Variants in AVIL observed in about 807,000 individuals in gnomAD.
AVIL encodes the protein advillin.
In AVIL, 78 loss-of-function variants were observed where a neutral mutation model predicts 109.9. The ratio of observed to expected loss-of-function variants is 0.71; its 90% CI spans 0.59 to 0.86. The LOEUF is 0.86. AVIL is among the 40% of genes least tolerant of loss of function. AVIL has a pLI of 0.00. For missense variants in AVIL, 892 were observed against 1,016.5 expected (o/e 0.88, Z 1.67); for synonymous variants, 367 against 379.1 (o/e 0.97, Z 0.37).
Position 57,809,626 on chromosome 12 carries a change from C to T in AVIL, c.910G>A (p.Glu304Lys). The change falls in exon 9 of 20, where the codon GAA (glutamate) becomes AAA (lysine). Residue 304 changes from glutamate (E) to lysine (K), a missense_variant. Coordinates refer to ENST00000549994, the MANE Select transcript of AVIL (RefSeq NM_006576.4). Reference protein sequence around the residue: ...VWKGKGATKAEKQAAMSKALG... With the variant: ...VWKGKGATKAKKQAAMSKALG... ...GCTTTAGACATGGCTGCCTGTTTTT[C>T]AGCCTTTGTGGCTCCTTTTCCTTTC... is the stretch of plus-strand genomic sequence containing the variant. 1 of 1,614,254 alleles carries T rather than the reference C, an allele frequency of 6.2e-7. No homozygotes were observed. The highest frequency in any genetic ancestry group is 1.3e-5 in the African/African-American group (1 of 75,072).
chr12:57,818,180 G>C (rs968916560), intron 1 of AVIL, among the ~76,000 whole-genome samples: 1 of 73,356 alleles, frequency 1.4e-5, no homozygotes, highest in Non-Finnish European at 2.9e-5. Context: ...CACCATGCTT[G>C]GCTTTTTTTT....
At chr12:57,809,542 C>T (rs537849741) in intron 9 of AVIL, 55 bp downstream of exon 9, 14 of 1,590,180 alleles carry the variant, frequency 8.8e-6, no homozygotes, top group African/African-American at 1.3e-5. Flanking sequence ...AGTGACACAC[C>T]TGAAGTGCTC....
At chr12:57,815,308 G>A (rs748019476) in intron 2 of AVIL, among the ~76,000 whole-genome samples, 1 of 152,222 alleles carries the variant, frequency 6.6e-6, no homozygotes, top group Non-Finnish European at 1.5e-5. Context: ...AGTGACCTGG[G>A]ACTCACAATC....
Position 57,810,444 on chromosome 12 carries a change from G to A in AVIL, c.666C>T (p.Val222=), listed in dbSNP as rs1199329215. Residue 222 remains valine, a synonymous_variant, in exon 7 of 20, where the codon GTC becomes GTT. Coordinates refer to ENST00000549994, the MANE Select transcript of AVIL (RefSeq NM_006576.4). ...AGCGTCGGCCAAGGGTGTCCTGAAGGACCTTCATCAGCTCTGGGCTGGCTG... is the reference window on the plus strand; with the variant it reads ...AGCGTCGGCCAAGGGTGTCCTGAAGAACCTTCATCAGCTCTGGGCTGGCTG... ...KEAASPELMK[V]LQDTLGRRSI... 5.6e-6 allele frequency: 9 copies of A among 1,614,032 alleles called. No individual in the cohort carries two copies. The highest frequency in any genetic ancestry group is 3.3e-5 in the Admixed American group (2 of 60,008).
In AVIL at chr12:57,803,533, T is replaced by C. The variant is rs368249513; in HGVS notation, c.1808A>G (p.Asn603Ser). ...DLLGGKTPYA[N>S]DKRLQQEILD... is the part of the protein sequence containing the mutation. ...GGCTGTGTTCCCATACCTTTTATCA[T>C]TGGCATAGGGAGTTTTCCCTCCCAG... The change falls in exon 15 of 20, where the codon AAT (asparagine) becomes AGT (serine). Residue 603 changes from asparagine (N) to serine (S), a missense_variant. Asn to Ser is a conservative substitution (Grantham distance 46). Transcript: ENST00000549994. 3 of 1,614,068 alleles carry C rather than the reference T, an allele frequency of 1.9e-6. No individual in the cohort carries two copies. The highest frequency in any genetic ancestry group is 1.3e-5 in the African/African-American group (1 of 74,924).
At position 57,798,010 on chromosome 12, in the gene AVIL, A is replaced by G. The variant is rs1360818316; in HGVS notation, c.2347-15T>C. ...GAGAGGTAATTCTAAGAGAGAAAAC[A>G]AAGTTTCTAGTTAGAAGGAAGACAT... On this transcript the variant is annotated splice_polypyrimidine_tract_variant and intron_variant, in intron 19 of 19. Coordinates refer to ENST00000549994, the MANE Select transcript of AVIL (RefSeq NM_006576.4). 1.3e-6 allele frequency: 2 copies of G among 1,557,490 alleles called. No individual in the cohort carries two copies. The highest frequency in any genetic ancestry group is 1.2e-5 in the South Asian group (1 of 82,866).
In AVIL at chr12:57,807,632, G is replaced by GT; in HGVS notation, c.1289dup (p.Tyr430Ter). Residue 430 changes from tyrosine to a stop codon, truncating the protein, a stop_gained and frameshift_variant, in exon 12 of 20, where the codon TAC (tyrosine) becomes TAAC (stop). Coordinates refer to ENST00000549994, the MANE Select transcript of AVIL (RefSeq NM_006576.4). LOFTEE classifies it high-confidence loss of function. ...TGTGATGTGGCTTCCCATTTACCTC[G>GT]TATGTGTAGAGGACCAGATAACAGT... ...GGDCYLVLYT[Y>*]EVNGKPHHIL... The GT allele has an allele frequency of 8.1e-6, 13 of 1,614,212 alleles. No individual in the cohort carries two copies. Among genetic ancestry groups the GT allele is most frequent in the Non-Finnish European group, 1.1e-5 (13 of 1,180,030 alleles).
chr12:57,811,438 C>T (rs910478589), intron 4 of AVIL, among the ~76,000 whole-genome samples: 7 of 152,230 alleles, frequency 4.6e-5, no homozygotes, highest in Non-Finnish European at 1.0e-4. Flanking sequence ...AAGACCCCTG[C>T]ACCACAGAGG....
chr12:57,800,116 TG>T, intron 18 of AVIL, 196 bp from the exon 19 acceptor site: 1 of 713,934 alleles, frequency 1.4e-6, no homozygotes, highest in South Asian at 2.1e-5. Flanking sequence ...ATTTTGGGGT[TG>T]TTCTTGGGAA....
chr12:57,811,228 A>G, intron 4 of AVIL, 101 bp from the exon 5 acceptor site: 1 of 1,098,884 alleles, frequency 9.1e-7, no homozygotes, highest in Admixed American at 1.9e-5. Context: ...ATGTGATGAC[A>G]GTACATCAGC....
intron 3 of AVIL, 80 bp from the exon 4 acceptor site, chr12:57,813,503 A>G: frequency 7.1e-7 from 1 of 1,403,370 alleles, no homozygotes; most frequent in South Asian, 1.3e-5. Context: ...GGGAGAATGC[A>G]GCACATGTGC....
chr12:57,810,592 C>T (rs373802342), intron 6 of AVIL, 41 bp from the exon 7 acceptor site: 16 of 1,602,906 alleles, frequency 1.0e-5, no homozygotes, highest in Admixed American at 3.3e-5. Context: ...TCCTCTGGGA[C>T]CCCTTTCTGC....
At chr12:57,818,164 G>A (rs1384628753) in intron 1 of AVIL, among the ~76,000 whole-genome samples, 4 of 136,018 alleles carry the variant, frequency 2.9e-5, no homozygotes, top group African/African-American at 1.1e-4. Context: ...GACCACAGGT[G>A]TGCACCACCA....
chr12:57,808,850 G>A (rs938213721), intron 9 of AVIL: 1 of 355,304 alleles, frequency 2.8e-6, no homozygotes, highest in East Asian at 6.2e-5. Context: ...ACATTTGTTT[G>A]CTCATTTATT....
In AVIL at chr12:57,813,307, C is replaced by G. The variant is rs140678741; in HGVS notation, c.258G>C (p.Leu86=). The G allele has an allele frequency of 1.7e-5, 27 of 1,613,952 alleles. No homozygotes were observed. The highest frequency in any genetic ancestry group is 2.3e-5 in the Non-Finnish European group (27 of 1,180,010). Residue 86 remains leucine, a synonymous_variant, in exon 4 of 20, where the codon CTG becomes CTC. Transcript: ENST00000549994. The stretch of plus-strand genomic sequence containing the variant: ...CTCGGTGCTGCACAGGGCTGCCTCC[C>G]AGGTAGTCGTCCAGCTGTGTGGTAT... ...AIYTTQLDDY[L]GGSPVQHREV...
chr12:57,803,606 C>T lies in AVIL; in HGVS notation c.1735G>A (p.Glu579Lys), dbSNP rs751510335. 1.7e-5 allele frequency: 27 copies of T among 1,614,054 alleles called. No individual in the cohort carries two copies. The highest frequency in any genetic ancestry group is 1.6e-4 in the East Asian group (7 of 44,888). Residue 579 changes from glutamate to lysine, a missense_variant, in exon 15 of 20, where the codon GAG becomes AAG. Transcript: ENST00000549994. ...TCCTGGCCCTCGGCCACAGTGTTCT[C>T]GCTGCCATCACAGAGAAGGCTGGCC... is the stretch of plus-strand genomic sequence containing the variant. ...ELASLLCDGS[E>K]NTVAEGQEPA...
At chr12:57,818,362 C>T (rs914092094) in intron 1 of AVIL, among the ~76,000 whole-genome samples, 1 of 151,950 alleles carries the variant, frequency 6.6e-6, no homozygotes, top group Admixed American at 6.6e-5. Context: ...TTAACTCCTC[C>T]TGCCTTGCTC....
chr12:57,810,215 G>T, intron 7 of AVIL, 134 bp downstream of exon 7: 1 of 935,674 alleles, frequency 1.1e-6, no homozygotes, highest in Non-Finnish European at 1.6e-6. Context: ...TCTAGGAGCT[G>T]CATTTGAAAA....
chr12:57,813,489 T>TA, intron 3 of AVIL, 66 bp from the exon 4 acceptor site: 1 of 1,490,350 alleles, frequency 6.7e-7, no homozygotes, highest in African/African-American at 1.4e-5. Flanking sequence ...TGGCCCCTGT[T>TA]ATGGGGAGAA....
Sources: allele counts gnomAD v4.1 joint callset (sites outside exome capture counted in the v4.1 genomes callset), GRCh38; gene constraint gnomAD v4.1.1; transcripts MANE v1.5; gene names NCBI Gene and HGNC (gene_info 2026-07-23, HGNC 2026-07-21).